The following CNTNAP5 variants were observed in gnomAD, a reference collection of about 807,000 sequenced individuals.
CNTNAP5 encodes the protein contactin associated protein family member 5.
CNTNAP5 carries 72 observed loss-of-function variants against 150.2 expected under a neutral mutation model. The ratio of observed to expected loss-of-function variants is 0.48; its 90% CI spans 0.40 to 0.58. The LOEUF (loss-of-function observed/expected upper bound fraction) is 0.58, where lower values mean the gene tolerates loss of function less well. Among genes scored for constraint, CNTNAP5 ranks in the 20% least tolerant of loss-of-function variants. The pLI, the probability that CNTNAP5 is intolerant of heterozygous loss-of-function variation, is 0.00. For missense variants in CNTNAP5, 1,636 were observed against 1,626.2 expected (o/e 1.01, Z -0.10); for synonymous variants, 672 against 619.8 (o/e 1.08, Z -1.25).
At chr2:124,337,554 G>A (rs1158014713) in intron 3 of CNTNAP5, among the ~76,000 whole-genome samples, 1 of 152,114 alleles carries the variant, frequency 6.6e-6, no homozygotes, top group Admixed American at 6.6e-5. Context: ...TTTTGTATAA[G>A]GTGTAAGGAA....
In CNTNAP5 at chr2:124,817,351, G is replaced by A. The variant is rs1293032185; in HGVS notation, c.3217+19031G>A. ...TTTGTAAAAGCATATGGAGCATGGAGTATTATATTTATTTGCACTTTTATA... is the reference window on the plus strand; with the variant it reads ...TTTGTAAAAGCATATGGAGCATGGAATATTATATTTATTTGCACTTTTATA... On this transcript the variant is annotated intron_variant, in intron 19 of 23. Coordinates refer to ENST00000682447, the MANE Select transcript of CNTNAP5 (RefSeq NM_001367498.1). 2.0e-5 allele frequency among the ~76,000 whole-genome samples: 3 copies of A among 151,786 alleles called. No individual in the cohort carries two copies. The East Asian group carries it at 5.8e-4, about 29-fold the overall frequency.
chr2:124,594,060 C>T (rs1200926131), intron 11 of CNTNAP5, among the ~76,000 whole-genome samples: 29 of 114,358 alleles, frequency 2.5e-4, no homozygotes, highest in South Asian at 2.1e-3. Flanking sequence ...GAGTAGGTTG[C>T]GAAAATTTTC....
Position 124,747,365 on chromosome 2 carries a change from C to T in CNTNAP5, c.2214C>T (p.Cys738=), listed in dbSNP as rs781721386. ...SCLDIQHFCN[C]DADKDEWTND... is the part of the protein sequence containing the mutation. ...TGGACATTCAGCACTTTTGCAATTG[C>T]GACGCTGACAAGGATGAATGGTAAT... The change falls in exon 14 of 24, where the codon TGC becomes TGT. Residue 738 remains cysteine, a synonymous_variant. Coordinates refer to ENST00000682447, the MANE Select transcript of CNTNAP5 (RefSeq NM_001367498.1). 9.3e-6 allele frequency: 15 copies of T among 1,613,570 alleles called. 1 individual carries two copies. Among genetic ancestry groups the T allele is most frequent in the East Asian group, 4.5e-5 (2 of 44,828 alleles).
intron 7 of CNTNAP5, among the ~76,000 whole-genome samples, chr2:124,493,996 A>T (rs1694091249): frequency 6.7e-6 from 1 of 149,540 alleles, no homozygotes; most frequent in Non-Finnish European, 1.5e-5. Flanking sequence ...ACACACACAC[A>T]CACACACTCC....
At chr2:124,167,096 T>G (rs1421192099) in intron 1 of CNTNAP5, among the ~76,000 whole-genome samples, 1 of 152,218 alleles carries the variant, frequency 6.6e-6, no homozygotes, top group Non-Finnish European at 1.5e-5. Flanking sequence ...AATTCTCTTC[T>G]GTAAACTATG....
chr2:124,518,787 G>A (rs1391427630), intron 8 of CNTNAP5, among the ~76,000 whole-genome samples: 1 of 151,906 alleles, frequency 6.6e-6, no homozygotes, highest in African/African-American at 2.4e-5. Flanking sequence ...AGGAGTTCAA[G>A]ACCAGCCTGG....
intron 6 of CNTNAP5, among the ~76,000 whole-genome samples, chr2:124,474,362 A>G (rs570927875): frequency 5.9e-5 from 9 of 152,124 alleles, no homozygotes; most frequent in African/African-American, 2.2e-4. Flanking sequence ...GAATAGAGGT[A>G]TGTTTTGTTT....
intron 19 of CNTNAP5, among the ~76,000 whole-genome samples, chr2:124,855,275 T>C (rs868219473): frequency 6.8e-6 from 1 of 146,936 alleles, no homozygotes; most frequent in Non-Finnish European, 1.5e-5. Flanking sequence ...CCTCCCAGGT[T>C]CAAGCAATTG....
chr2:124,561,263 A>C (rs1695884742), intron 10 of CNTNAP5, among the ~76,000 whole-genome samples: 1 of 152,204 alleles, frequency 6.6e-6, no homozygotes. Context: ...ATGTGAAAGG[A>C]AACAGCGTGT....
intron 3 of CNTNAP5, among the ~76,000 whole-genome samples, chr2:124,316,804 C>CAAAAA (rs56812690): frequency 7.8e-3 from 429 of 54,708 alleles, no homozygotes; most frequent in African/African-American, 8.9e-3. Flanking sequence ...GACTCCATCT[C>CAAAAA]AAAAAAAAAA....
intron 7 of CNTNAP5, among the ~76,000 whole-genome samples, chr2:124,488,526 A>G (rs1693944894): frequency 1.3e-5 from 2 of 152,220 alleles, no homozygotes; most frequent in Admixed American, 6.5e-5. Context: ...TGCTTAACAC[A>G]CGTTTTATAT....
At chr2:124,050,547 G>A (rs1460034124) in intron 1 of CNTNAP5, among the ~76,000 whole-genome samples, 1 of 151,982 alleles carries the variant, frequency 6.6e-6, no homozygotes, top group Admixed American at 6.6e-5. Context: ...GGGATAAGGG[G>A]CATATCTACT....
chr2:124,484,114 C>T (rs1693817033), intron 7 of CNTNAP5, among the ~76,000 whole-genome samples: 1 of 152,176 alleles, frequency 6.6e-6, no homozygotes, highest in Non-Finnish European at 1.5e-5. Flanking sequence ...GGTGGCAAGA[C>T]TCAAACACAG....
chr2:124,128,730 C>T (rs1341668613), intron 1 of CNTNAP5, among the ~76,000 whole-genome samples: 1 of 151,918 alleles, frequency 6.6e-6, no homozygotes, highest in Non-Finnish European at 1.5e-5. Flanking sequence ...ACTATGCAGC[C>T]ATAAAAAAGG....
chr2:124,853,433 T>C (rs979165318), intron 19 of CNTNAP5, among the ~76,000 whole-genome samples: 21 of 152,180 alleles, frequency 1.4e-4, no homozygotes, highest in Non-Finnish European at 2.5e-4. Flanking sequence ...ACAGTTTCCC[T>C]ACTTTTCAAA....
At chr2:124,577,661 T>C (rs757044875) in intron 11 of CNTNAP5, among the ~76,000 whole-genome samples, 1 of 152,076 alleles carries the variant, frequency 6.6e-6, no homozygotes, top group Non-Finnish European at 1.5e-5. Context: ...AGATTGTACA[T>C]GGTCAGAAGC....
At chr2:124,130,344 C>T (rs920794068) in intron 1 of CNTNAP5, among the ~76,000 whole-genome samples, 1 of 151,842 alleles carries the variant, frequency 6.6e-6, no homozygotes. Flanking sequence ...TGCCCTGTTG[C>T]CAAATCTCTG....
intron 13 of CNTNAP5, among the ~76,000 whole-genome samples, chr2:124,745,433 T>C (rs958213529): frequency 2.6e-5 from 4 of 152,118 alleles, no homozygotes; most frequent in African/African-American, 7.2e-5. Context: ...TGCTTCACCC[T>C]CATGCTGGCT....
At chr2:124,224,761 G>A (rs1686415280) in intron 2 of CNTNAP5, among the ~76,000 whole-genome samples, 1 of 151,980 alleles carries the variant, frequency 6.6e-6, no homozygotes, top group South Asian at 2.1e-4. Flanking sequence ...ATTAAGAACA[G>A]ATTTTGTTTC....
Sources: allele counts gnomAD v4.1 joint callset (sites outside exome capture counted in the v4.1 genomes callset), GRCh38; gene constraint gnomAD v4.1.1; transcripts MANE v1.5; gene names NCBI Gene and HGNC (gene_info 2026-07-23, HGNC 2026-07-21).